PPM1A: variants seen among roughly 807,000 people sequenced by gnomAD.
The protein encoded by PPM1A is protein phosphatase, Mg2+/Mn2+ dependent 1A, also known as protein phosphatase 1A.
Under a neutral mutation model 35.0 loss-of-function variants are expected in PPM1A, and 7 were observed. That is an observed-to-expected ratio of 0.20 (90% CI 0.11 to 0.38). The LOEUF is 0.38. PPM1A is among the 10% of genes least tolerant of loss of function. PPM1A has a pLI of 1.00. For synonymous variants in PPM1A, 153 were observed against 167.3 expected (o/e 0.91, Z 0.66); for missense variants, 239 against 467.8 (o/e 0.51, Z 4.51).
chr14:60,282,909 A>G lies in PPM1A; in HGVS notation c.206A>G (p.Lys69Arg), dbSNP rs1006147517. 3.1e-6 allele frequency: 5 copies of G among 1,614,138 alleles called. No homozygotes were observed. The highest frequency in any genetic ancestry group is 1.3e-5 in the African/African-American group (1 of 74,940). ...GGGCATGCTGGTTCTCAGGTTGCCA[A>G]ATACTGCTGTGAGCATTTGTTAGAT... ...YDGHAGSQVA[K>R]YCCEHLLDHI... Residue 69 changes from lysine to arginine, a missense_variant, in exon 2 of 6, where the codon AAA (lysine) becomes AGA (arginine). Lys to Arg is a conservative substitution (Grantham distance 26). This residue lies in a region of PPM1A where 175 missense variants were observed against 389.2 expected (regional missense o/e 0.45). Coordinates refer to ENST00000395076, the MANE Select transcript of PPM1A (RefSeq NM_021003.5). This position sits in a 1 kb window ranked among gnomAD's most constrained non-coding sequence, Gnocchi z 5.1.
chr14:60,248,043 G>C (rs1215378569), upstream of PPM1A, among the ~76,000 whole-genome samples: 1 of 151,756 alleles, frequency 6.6e-6, no homozygotes, highest in African/African-American at 2.4e-5. Flanking sequence ...TTCGTGAACT[G>C]GTTAAGCCGC....
chr14:60,248,407 C>G (rs1489551729), upstream of PPM1A, among the ~76,000 whole-genome samples: 1 of 152,236 alleles, frequency 6.6e-6, no homozygotes, highest in Non-Finnish European at 1.5e-5. Flanking sequence ...AATGTGGAAT[C>G]CCCTGAACTA....
upstream of PPM1A, chr14:60,249,156 C>T (rs1326696642): frequency 2.3e-6 from 2 of 880,282 alleles, no homozygotes; most frequent in African/African-American, 1.8e-5. The surrounding 1 kb of genome is among the most constrained non-coding windows in gnomAD (Gnocchi z 4.5). Context: ...GCCAGCGGGG[C>T]GGGGCGAGCG....
intron 1 of PPM1A, among the ~76,000 whole-genome samples, chr14:60,270,729 ATTATT>A (rs1156776230): frequency 1.3e-5 from 2 of 149,574 alleles, no homozygotes; most frequent in African/African-American, 2.5e-5. Flanking sequence ...GAAATTACTG[ATTATT>A]TTAGTTATCA....
At chr14:60,278,377 T>C (rs889450979) in intron 1 of PPM1A, among the ~76,000 whole-genome samples, 2 of 151,980 alleles carry the variant, frequency 1.3e-5, no homozygotes, top group Non-Finnish European at 2.9e-5. Flanking sequence ...CAGGTAACTT[T>C]TGAAGGAATT....
At chr14:60,287,566 CTCT>C (rs1887147801) in intron 3 of PPM1A, 2 of 985,314 alleles carry the variant, frequency 2.0e-6, no homozygotes, top group Non-Finnish European at 2.4e-6. Flanking sequence ...TTTTCTCTCT[CTCT>C]TCTTTCTTTA....
Position 60,282,114 on chromosome 14 carries a change from G to A in PPM1A, c.-20-570G>A, listed in dbSNP as rs976045259. Among the ~76,000 whole-genome samples the A allele has an allele frequency of 6.6e-6, 1 of 152,210 alleles. No individual in the cohort carries two copies. The highest frequency in any genetic ancestry group is 2.4e-5 in the African/African-American group (1 of 41,452). Reference sequence around the variant, plus strand: ...TTTCTATAAATAGGATGAGGCAAGAGTTTCCAGTTAAGGAAACTGACATGA... The same window carrying A: ...TTTCTATAAATAGGATGAGGCAAGAATTTCCAGTTAAGGAAACTGACATGA... On this transcript the variant is annotated intron_variant, in intron 1 of 5. Coordinates refer to ENST00000395076, the MANE Select transcript of PPM1A (RefSeq NM_021003.5). The surrounding 1 kb of genome is among the most constrained non-coding windows in gnomAD (Gnocchi z 5.1).
At chr14:60,284,849 C>A (rs992823711) in intron 2 of PPM1A, among the ~76,000 whole-genome samples, 1 of 151,612 alleles carries the variant, frequency 6.6e-6, no homozygotes, top group Admixed American at 6.6e-5. Context: ...AATCAAGGCC[C>A]TTGACTTGGG....
intron 2 of PPM1A, among the ~76,000 whole-genome samples, chr14:60,284,088 GT>G (rs1207174243): frequency 6.6e-6 from 1 of 152,198 alleles, no homozygotes; most frequent in Non-Finnish European, 1.5e-5. Context: ...ACTCTAATCA[GT>G]TTTTTTCATC....
Position 60,258,388 on chromosome 14 carries a change from A to G in PPM1A, c.-21+8711A>G, listed in dbSNP as rs118049644. ...AAGTTCATCCATCCATGAATGTTGA[A>G]TGAATGAGCAGATTAATAAATAAAT... On this transcript the variant is annotated intron_variant, in intron 1 of 5. Coordinates refer to ENST00000395076, the MANE Select transcript of PPM1A (RefSeq NM_021003.5). Among the ~76,000 whole-genome samples, 48 of 152,076 alleles carry G rather than the reference A, an allele frequency of 3.2e-4. 1 individual carries two copies. Among genetic ancestry groups the G allele is most frequent in the Non-Finnish European group, 6.8e-4 (46 of 67,974 alleles).
chr14:60,264,003 A>G (rs1884090774), intron 1 of PPM1A, among the ~76,000 whole-genome samples: 1 of 151,756 alleles, frequency 6.6e-6, no homozygotes, highest in African/African-American at 2.4e-5. Flanking sequence ...TTTATACTCA[A>G]TAACTTGTTT....
chr14:60,245,955 A>G, upstream of PPM1A: 1 of 1,578,392 alleles, frequency 6.3e-7, no homozygotes, highest in Non-Finnish European at 8.6e-7. This position sits in a 1 kb window ranked among gnomAD's most constrained non-coding sequence, Gnocchi z 4.2. Flanking sequence ...AGGCAAAAAG[A>G]GAAGAGAAGA....
rs1039219922 is a variant in PPM1A at position 60,249,833 on chromosome 14, C to T, written c.-21+156C>T. Among the ~76,000 whole-genome samples, 1 of 151,294 alleles carries T rather than the reference C, an allele frequency of 6.6e-6. No homozygotes were observed. The highest frequency in any genetic ancestry group is 2.0e-4 in the East Asian group (1 of 5,128). ...AACTCCACCCCCTGGCCGGCCTCCT[C>T]CCCCGAGCCGGGCGGCGGACGGCGA... On this transcript the variant is annotated intron_variant, in intron 1 of 5. Transcript: ENST00000395076. The surrounding 1 kb of genome is among the most constrained non-coding windows in gnomAD (Gnocchi z 4.5).
chr14:60,285,476 G>C, intron 2 of PPM1A, 148 bp from the exon 3 acceptor site: 1 of 724,354 alleles, frequency 1.4e-6, no homozygotes, highest in Non-Finnish European at 2.1e-6. Context: ...ACACACGCAC[G>C]CATGCGTGCA....
chr14:60,281,803 G>A (rs1886436083), intron 1 of PPM1A, among the ~76,000 whole-genome samples: 1 of 152,208 alleles, frequency 6.6e-6, no homozygotes, highest in Non-Finnish European at 1.5e-5. Flanking sequence ...AGGCTTGTCA[G>A]CAGGGCTGTC....
At chr14:60,271,040 T>C (rs1487665538) in intron 1 of PPM1A, among the ~76,000 whole-genome samples, 1 of 152,224 alleles carries the variant, frequency 6.6e-6, no homozygotes, top group Non-Finnish European at 1.5e-5. Flanking sequence ...GGGGACAAAA[T>C]CACGGTGTCA....
Position 60,249,657 on chromosome 14 carries a change from G to T in PPM1A, c.-41G>T. 1.0e-6 allele frequency: 1 copy of T among 984,770 alleles called. No individual in the cohort carries two copies. The highest frequency in any genetic ancestry group is 1.2e-6 in the Non-Finnish European group (1 of 829,906). The allele number at this position is 984,770 out of a possible 1,614,324, so 61.0% of individuals were successfully genotyped here. A position where few individuals can be genotyped will look rare whatever the true frequency, so the allele number is the denominator to read the frequency against. On this transcript the variant is annotated 5_prime_UTR_variant, in exon 1 of 6. Transcript: ENST00000395076. This position sits in a 1 kb window ranked among gnomAD's most constrained non-coding sequence, Gnocchi z 4.5. ...CGCCGCCTCGGCCGACCAGGGACCT[G>T]CCCGCCTGCGGCTGCTCCGGGTAAG...
In PPM1A at chr14:60,289,857, G is replaced by A. The variant is rs755451132; in HGVS notation, c.1004G>A (p.Arg335His). 1.9e-6 allele frequency: 3 copies of A among 1,594,938 alleles called. No homozygotes were observed. Among genetic ancestry groups the A allele is most frequent in the East Asian group, 2.3e-5 (1 of 44,060 alleles). The change falls in exon 4 of 6, where the codon CGC (arginine) becomes CAC (histidine). Residue 335 changes from arginine (R) to histidine (H), a missense_variant. Physicochemically the swap from Arg to His is conservative, Grantham distance 29. This residue lies in a region of PPM1A where 64 missense variants were observed against 78.6 expected (regional missense o/e 0.81). Transcript: ENST00000395076. This position sits in a 1 kb window ranked among gnomAD's most constrained non-coding sequence, Gnocchi z 4.1. ...EGVPDLVHVM[R>H]TLASENIPSL... ...GTCCCCGACTTAGTCCATGTGATGC[G>A]CACATTAGCGAGTGAGAACATCCCC...
Position 60,249,550 on chromosome 14 carries a change from C to T in PPM1A, c.-148C>T, listed in dbSNP as rs1486820656. 11 of 985,214 alleles carry T rather than the reference C, an allele frequency of 1.1e-5. No individual in the cohort carries two copies. The highest frequency in any genetic ancestry group is 1.3e-5 in the Non-Finnish European group (11 of 829,478). The allele number at this position is 985,214 out of a possible 1,614,324, so 61.0% of individuals were successfully genotyped here. A position where few individuals can be genotyped will look rare whatever the true frequency, so the allele number is the denominator to read the frequency against. ...CTCCTCCGCCCCTTCCCCAGCCTGA[C>T]CTGGCCCGCCGCTGCAGCGGTGACC... On this transcript the variant is annotated 5_prime_UTR_variant, in exon 1 of 6. Coordinates refer to ENST00000395076, the MANE Select transcript of PPM1A (RefSeq NM_021003.5). The surrounding 1 kb of genome is among the most constrained non-coding windows in gnomAD (Gnocchi z 4.5).
Sources: allele counts gnomAD v4.1 joint callset (sites outside exome capture counted in the v4.1 genomes callset), GRCh38; gene constraint gnomAD v4.1.1; regional missense constraint gnomAD v4.1.1; non-coding constraint Gnocchi (gnomAD v3.1); transcripts MANE v1.5; gene names NCBI Gene and HGNC (gene_info 2026-07-23, HGNC 2026-07-21).